SCIMP: variants seen among roughly 807,000 people sequenced by gnomAD.
The protein encoded by SCIMP is SLP adaptor and CSK interacting membrane protein.
SCIMP carries 18 observed loss-of-function variants against 22.0 expected under a neutral mutation model. The ratio of observed to expected loss-of-function variants is 0.82; its 90% confidence interval spans 0.56 to 1.21. SCIMP has a LOEUF of 1.21. Among genes scored for constraint, SCIMP ranks in the 50% most tolerant of loss-of-function variants. SCIMP has a pLI of 0.00. For missense variants in SCIMP, 155 were observed against 171.2 expected (o/e 0.91, Z 0.53); for synonymous variants, 53 against 62.2 (o/e 0.85, Z 0.70).
chr17:5,217,267 C>G, intron 3 of SCIMP, among the ~76,000 whole-genome samples: 1 of 151,982 alleles, frequency 6.6e-6, no homozygotes, highest in East Asian at 1.9e-4. Flanking sequence ...TGAGGTTTTC[C>G]GGAGCTGCCT....
chr17:5,228,539 A>C (rs1403186806), intron 1 of SCIMP, among the ~76,000 whole-genome samples: 2 of 151,630 alleles, frequency 1.3e-5, no homozygotes. Context: ...CAGCTACTCA[A>C]GAAGCTTAGG....
Position 5,214,905 on chromosome 17 carries a change from T to C in SCIMP, c.283+20A>G. The C allele has an allele frequency of 8.8e-7, 1 of 1,132,012 alleles. No homozygotes were observed. The highest frequency in any genetic ancestry group is 1.3e-6 in the Non-Finnish European group (1 of 764,674). The allele number at this position is 1,132,012 out of a possible 1,614,324, so 70.1% of individuals were successfully genotyped here. On this transcript the variant is annotated intron_variant, in intron 4 of 4. Transcript: ENST00000574081. Reference sequence around the variant, plus strand: ...GTTATCTTACCCTAAATGAAACTGCTACCAGTAAAATATACTTACAAGAGT... The same window carrying C: ...GTTATCTTACCCTAAATGAAACTGCCACCAGTAAAATATACTTACAAGAGT...
intron 1 of SCIMP, among the ~76,000 whole-genome samples, chr17:5,233,309 G>A (rs1432261168): frequency 6.6e-6 from 1 of 152,002 alleles, no homozygotes; most frequent in Non-Finnish European, 1.5e-5. Context: ...GCCCCCACTG[G>A]GCTCCCCACT....
intron 4 of SCIMP, among the ~76,000 whole-genome samples, chr17:5,211,903 C>T (rs1315296899): frequency 6.6e-6 from 1 of 152,060 alleles, no homozygotes; most frequent in East Asian, 1.9e-4. Context: ...CAAAAATTAG[C>T]TGGGCGTGAT....
Position 5,210,942 on chromosome 17 carries a change from G to C in SCIMP, c.297C>G (p.Ala99=), listed in dbSNP as rs1175281814. 6.2e-7 allele frequency: 1 copy of C among 1,610,978 alleles called. No homozygotes were observed. Among genetic ancestry groups the C allele is most frequent in the Non-Finnish European group, 8.5e-7 (1 of 1,179,290 alleles). ...AGTATGTAGCGGGCGGCTGACTTGG[G>C]GCTTCCTGTGGGGCTAGAATACACA... The part of the protein sequence containing the change: ...PSLEDSSPQE[A]PSQPPATYSL... Residue 99 remains alanine (A), a synonymous_variant, in exon 5 of 5, where the codon GCC becomes GCG. Transcript: ENST00000574081.
Position 5,223,391 on chromosome 17 carries a change from AACG to A in SCIMP, c.84_86del (p.Val30del). The stretch of plus-strand genomic sequence containing the variant: ...GGATGAGGCCCAGACCCACAGAGAC[AACG>A]ATGATGGCCACAGCTAAGATGATCC... On this transcript the variant is annotated inframe_deletion, in exon 2 of 5. Transcript: ENST00000574081. 6.2e-7 allele frequency: 1 copy of A among 1,613,924 alleles called. No homozygotes were observed. The highest frequency in any genetic ancestry group is 8.5e-7 in the Non-Finnish European group (1 of 1,179,870).
intron 1 of SCIMP, among the ~76,000 whole-genome samples, chr17:5,226,572 C>A (rs1454116906): frequency 1.4e-5 from 2 of 146,898 alleles, no homozygotes; most frequent in Non-Finnish European, 3.0e-5. Flanking sequence ...ATGGCGTGAT[C>A]TCGGCTCACT....
At chr17:5,221,173 C>A (rs1216134440) in intron 3 of SCIMP, 114 bp downstream of exon 3, 1 of 821,236 alleles carries the variant, frequency 1.2e-6, no homozygotes, top group South Asian at 1.4e-5. Context: ...GTCTCGCCAG[C>A]TCTACAGGAA....
intron 3 of SCIMP, 42 bp from the exon 4 acceptor site, chr17:5,215,040 C>T: frequency 2.4e-6 from 3 of 1,263,328 alleles, no homozygotes; most frequent in Non-Finnish European, 3.5e-6. Context: ...TTGGTTTGGG[C>T]CATGCCTGCT....
chr17:5,232,782 C>T (rs2074712908), intron 1 of SCIMP, among the ~76,000 whole-genome samples: 2 of 151,896 alleles, frequency 1.3e-5, no homozygotes, highest in South Asian at 4.1e-4. Flanking sequence ...GCAATCTCAG[C>T]TCACTGCAAC....
chr17:5,226,561 G>A (rs193071310), intron 1 of SCIMP, among the ~76,000 whole-genome samples: 215 of 145,160 alleles, frequency 1.5e-3, no homozygotes, highest in Non-Finnish European at 2.3e-3. Flanking sequence ...GCTGGAGTGC[G>A]ATGGCGTGAT....
chr17:5,211,049 A>G, intron 4 of SCIMP, 94 bp from the exon 5 acceptor site: 1 of 1,507,592 alleles, frequency 6.6e-7, no homozygotes, highest in South Asian at 1.4e-5. Context: ...CGTTTCAGTG[A>G]TCTTCCCACT....
chr17:5,219,810 G>C (rs1443823735), intron 3 of SCIMP, among the ~76,000 whole-genome samples: 1 of 152,116 alleles, frequency 6.6e-6, no homozygotes, highest in East Asian at 1.9e-4. Context: ...CTAACCCCCA[G>C]TAAAAGAAAA....
chr17:5,225,065 A>G (rs770701794), intron 1 of SCIMP, among the ~76,000 whole-genome samples: 2 of 152,170 alleles, frequency 1.3e-5, no homozygotes, highest in East Asian at 1.9e-4. Flanking sequence ...CATAGTGGCA[A>G]ATGACCAAGG....
Position 5,210,778 on chromosome 17 carries a change from G to T in SCIMP, c.*23C>A. 6.2e-7 allele frequency: 1 copy of T among 1,601,148 alleles called. No homozygotes were observed. Among genetic ancestry groups the T allele is most frequent in the Middle Eastern group, 1.7e-4 (1 of 5,964 alleles). The stretch of plus-strand genomic sequence containing the variant: ...AGTTGTGTGAACCCTCTTCAGTTTT[G>T]CCAAAAAGAAGAAATGGCTGTTTCA... On this transcript the variant is annotated 3_prime_UTR_variant, in exon 5 of 5. Transcript: ENST00000574081.
intron 1 of SCIMP, among the ~76,000 whole-genome samples, chr17:5,230,795 C>T (rs2074687911): frequency 6.6e-6 from 1 of 152,042 alleles, no homozygotes; most frequent in Non-Finnish European, 1.5e-5. Flanking sequence ...CAAAACAAAA[C>T]CAGATGTGGC....
At chr17:5,226,334 A>G (rs2074648488) in intron 1 of SCIMP, among the ~76,000 whole-genome samples, 1 of 152,134 alleles carries the variant, frequency 6.6e-6, no homozygotes, top group African/African-American at 2.4e-5. Context: ...AGGTCAAGGA[A>G]ATTTCATTCT....
intron 3 of SCIMP, among the ~76,000 whole-genome samples, chr17:5,215,700 A>C (rs540728463): frequency 6.6e-6 from 1 of 152,286 alleles, no homozygotes; most frequent in Non-Finnish European, 1.5e-5. Flanking sequence ...CATTTCCACT[A>C]CTGGGTCTAC....
chr17:5,221,114 C>T lies in SCIMP; in HGVS notation c.209+173G>A, dbSNP rs2074603702. On this transcript the variant is annotated intron_variant, in intron 3 of 4. Coordinates refer to ENST00000574081, the MANE Select transcript of SCIMP (RefSeq NM_207103.3). ...GGAGGGAGGACTTGCCCTGCATCGA[C>T]AATGTCCTGAGTCTCTGCCCTTATG... The T allele has an allele frequency of 4.3e-6, 3 of 701,330 alleles. No individual in the cohort carries two copies. The East Asian group carries it at 8.2e-5, about 19-fold the overall frequency. The allele number at this position is 701,330 out of a possible 1,614,324, so 43.4% of individuals were successfully genotyped here.
Sources: allele counts gnomAD v4.1 joint callset (sites outside exome capture counted in the v4.1 genomes callset), GRCh38; gene constraint gnomAD v4.1.1; transcripts MANE v1.5; gene names NCBI Gene and HGNC (gene_info 2026-07-23, HGNC 2026-07-21).